Variants in ARHGAP25 observed in about 807,000 individuals in gnomAD.
ARHGAP25 encodes Rho GTPase activating protein 25.
A neutral mutation model predicts 71.0 loss-of-function variants in ARHGAP25; 34 were observed. The observed-to-expected ratio is 0.48, with a 90% CI of 0.36 to 0.64. ARHGAP25 has a LOEUF of 0.64. Among genes scored for constraint, ARHGAP25 ranks in the 30% least tolerant of loss-of-function variants. The probability of loss-of-function intolerance (pLI) is 0.00; values close to 1 mark genes in which losing one functional copy is unlikely to be tolerated. For missense variants in ARHGAP25, 706 were observed against 805.1 expected, an observed-to-expected ratio of 0.88 and a Z score of 1.49; for synonymous variants, 282 against 296.5, an observed-to-expected ratio of 0.95 and a Z score of 0.50.
rs562514023 is a variant in ARHGAP25, at chr2:68,771,018, A to G, written c.62-4203A>G. ...TTGTCCAGTACTGTAGCCACGAAAC[A>G]CACAGGCTTACTGAGTACTTAAAAC... On this transcript the variant is annotated intron_variant, in intron 1 of 10. Coordinates refer to ENST00000409202, the MANE Select transcript of ARHGAP25 (RefSeq NM_001007231.3). 2.0e-4 allele frequency among the ~76,000 whole-genome samples: 31 copies of G among 151,906 alleles called. No individual in the cohort carries two copies. The South Asian group carries it at 6.2e-3, about 30-fold the overall frequency.
At chr2:68,806,215 G>A (rs1680352325) in intron 4 of ARHGAP25, among the ~76,000 whole-genome samples, 1 of 152,204 alleles carries the variant, frequency 6.6e-6, no homozygotes, top group Admixed American at 6.5e-5. Context: ...TCAAAAGAAT[G>A]AAACGCTTTT....
intron 1 of ARHGAP25, among the ~76,000 whole-genome samples, chr2:68,748,411 T>C (rs773301767): frequency 6.0e-4 from 92 of 152,232 alleles, no homozygotes; most frequent in Non-Finnish European, 1.1e-3. Context: ...TTCTTTATAC[T>C]GTTATTTGTG....
intron 2 of ARHGAP25, among the ~76,000 whole-genome samples, chr2:68,722,202 C>G (rs561092859): frequency 1.3e-5 from 2 of 152,210 alleles, no homozygotes; most frequent in Non-Finnish European, 2.9e-5. Context: ...AGTTATTCAG[C>G]TTATTTTCTT....
chr2:68,720,088 A>C (rs1013401955), intron 2 of ARHGAP25, among the ~76,000 whole-genome samples: 1 of 152,306 alleles, frequency 6.6e-6, no homozygotes, highest in South Asian at 2.1e-4. Context: ...CCTGTGCACT[A>C]TCAGCTGACT....
chr2:68,807,702 C>A (rs1245092596), intron 5 of ARHGAP25, among the ~76,000 whole-genome samples: 1 of 152,144 alleles, frequency 6.6e-6, no homozygotes, highest in African/African-American at 2.4e-5. Flanking sequence ...ATGATGTGAA[C>A]CAGAACTGGA....
intron 5 of ARHGAP25, among the ~76,000 whole-genome samples, chr2:68,807,904 C>T (rs1000282109): frequency 1.3e-5 from 2 of 152,174 alleles, no homozygotes; most frequent in African/African-American, 2.4e-5. Flanking sequence ...CAGCGGCTTT[C>T]GTTAGCATTC....
chr2:68,798,832 G>T lies in ARHGAP25; in HGVS notation c.467-8441G>T, dbSNP rs138557875. On this transcript the variant is annotated intron_variant, in intron 4 of 10. Coordinates refer to ENST00000409202, the MANE Select transcript of ARHGAP25 (RefSeq NM_001007231.3). ...GGTCCTGTGACAGAAAGAAGAACAG[G>T]CTCTGGAGTGAGGGGAGGGTAATAA... Among the ~76,000 whole-genome samples the T allele has an allele frequency of 5.2e-3, 786 of 152,342 alleles. 6 individuals carry two copies. The highest frequency in any genetic ancestry group is 0.018 in the African/African-American group (742 of 41,564).
intron 9 of ARHGAP25, among the ~76,000 whole-genome samples, chr2:68,820,637 A>G (rs1260688033): frequency 6.6e-6 from 1 of 152,122 alleles, no homozygotes; most frequent in East Asian, 1.9e-4. Context: ...TTTCTTTATA[A>G]TTTCATTAAA....
At chr2:68,804,444 C>T (rs1361385698) in intron 4 of ARHGAP25, among the ~76,000 whole-genome samples, 1 of 152,244 alleles carries the variant, frequency 6.6e-6, no homozygotes, top group African/African-American at 2.4e-5. Context: ...ATATTTCAAT[C>T]ATGTCCTATC....
chr2:68,750,486 C>T (rs993357612), intron 1 of ARHGAP25, among the ~76,000 whole-genome samples: 1 of 151,978 alleles, frequency 6.6e-6, no homozygotes, highest in Non-Finnish European at 1.5e-5. Context: ...CCATGCTCGG[C>T]GTATTTGTAT....
intron 7 of ARHGAP25, 35 bp from the exon 8 acceptor site, chr2:68,817,838 T>G: frequency 6.2e-7 from 1 of 1,611,926 alleles, no homozygotes; most frequent in Non-Finnish European, 8.5e-7. Flanking sequence ...GGCTACTTCC[T>G]GCTTTCTACC....
At chr2:68,726,992 C>T (rs966616982) in intron 2 of ARHGAP25, among the ~76,000 whole-genome samples, 14 of 151,824 alleles carry the variant, frequency 9.2e-5, no homozygotes, top group Non-Finnish European at 1.3e-4. Context: ...CTTGTAAATA[C>T]AGCTTTTAAA....
At chr2:68,757,041 G>A (rs1444687439) in intron 1 of ARHGAP25, among the ~76,000 whole-genome samples, 1 of 152,048 alleles carries the variant, frequency 6.6e-6, no homozygotes, top group Non-Finnish European at 1.5e-5. Context: ...TTTTAAAAGA[G>A]GGATTCAAAG....
intron 2 of ARHGAP25, among the ~76,000 whole-genome samples, chr2:68,726,343 G>T (rs1202029968): frequency 6.6e-6 from 1 of 152,188 alleles, no homozygotes; most frequent in Non-Finnish European, 1.5e-5. Context: ...AGCTTCACGT[G>T]GTTCAAATTA....
At chr2:68,781,966 T>C (rs1267916060) in intron 2 of ARHGAP25, among the ~76,000 whole-genome samples, 1 of 152,208 alleles carries the variant, frequency 6.6e-6, no homozygotes, top group Non-Finnish European at 1.5e-5. Context: ...AAGAGGCAAG[T>C]ATTGGTGATG....
In ARHGAP25 at chr2:68,807,190, A is replaced by G. The variant is rs759943552; in HGVS notation, c.467-83A>G. On this transcript the variant is annotated intron_variant, in intron 4 of 10. Coordinates refer to ENST00000409202, the MANE Select transcript of ARHGAP25 (RefSeq NM_001007231.3). ...TATCATTGCAATAAAACCTGTGAAG[A>G]CACAGGTGACACAGAAAGTCAAGAA... is the stretch of plus-strand genomic sequence containing the variant. 6.7e-6 allele frequency: 9 copies of G among 1,338,510 alleles called. No individual in the cohort carries two copies. The East Asian group carries it at 2.1e-4, about 32-fold the overall frequency. 82.9% of individuals were successfully genotyped at this position (1,338,510 alleles called of 1,614,324 possible).
At chr2:68,802,881 A>G (rs549787901) in intron 4 of ARHGAP25, among the ~76,000 whole-genome samples, 16 of 152,192 alleles carry the variant, frequency 1.1e-4, no homozygotes, top group African/African-American at 2.6e-4. Context: ...AATTATATCT[A>G]TCAATCCATA....
chr2:68,793,544 G>A (rs1679336390), intron 4 of ARHGAP25, among the ~76,000 whole-genome samples: 1 of 152,054 alleles, frequency 6.6e-6, no homozygotes, highest in African/African-American at 2.4e-5. Flanking sequence ...CTTTTCTCCA[G>A]GGTATGTTCT....
intron 1 of ARHGAP25, among the ~76,000 whole-genome samples, chr2:68,742,421 A>G (rs1346568412): frequency 2.6e-5 from 4 of 152,370 alleles, no homozygotes; most frequent in Middle Eastern, 3.4e-3. Flanking sequence ...CTTTGGGGCC[A>G]GAATGCCTGA....
Sources: allele counts gnomAD v4.1 joint callset (sites outside exome capture counted in the v4.1 genomes callset), GRCh38; gene constraint gnomAD v4.1.1; transcripts MANE v1.5; gene names NCBI Gene and HGNC (gene_info 2026-07-23, HGNC 2026-07-21).